Variants in MTUS1 observed in about 807,000 individuals in gnomAD.
The protein encoded by MTUS1 is microtubule-associated tumor suppressor 1.
MTUS1 carries 109 observed loss-of-function variants against 120.8 expected under a neutral mutation model. The ratio of observed to expected loss-of-function variants is 0.90; its 90% CI spans 0.77 to 1.06. MTUS1 has a LOEUF of 1.06. MTUS1 is among the 50% of genes least tolerant of loss of function. The probability of loss-of-function intolerance (pLI) is 0.00; values close to 1 mark genes in which losing one functional copy is unlikely to be tolerated. For missense variants in MTUS1, 2,210 were observed against 1,486.3 expected, an observed-to-expected ratio of 1.49 and a Z score of -8.01; for synonymous variants, 737 against 550.5, an observed-to-expected ratio of 1.34 and a Z score of -4.74.
intron 6 of MTUS1, among the ~76,000 whole-genome samples, chr8:17,704,726 A>T (rs187097306): frequency 1.3e-5 from 2 of 152,172 alleles, no homozygotes; most frequent in East Asian, 3.9e-4. Flanking sequence ...TTCTTTGTCA[A>T]GATTGTTTTG....
chr8:17,796,574 A>G (rs2052262411), intron 1 of MTUS1, among the ~76,000 whole-genome samples: 1 of 152,160 alleles, frequency 6.6e-6, no homozygotes, highest in South Asian at 2.1e-4. Flanking sequence ...ATGAAAAGGA[A>G]GTTTTATCTT....
rs543643934 is a variant in MTUS1 at position 17,659,193 on chromosome 8, C to T, written c.2906-3128G>A. On this transcript the variant is annotated intron_variant, in intron 8 of 14. Coordinates refer to ENST00000693296, the MANE Select transcript of MTUS1 (RefSeq NM_001363059.2). ...TCTGCCTGCACCCAAAGCCCGTGCC[C>T]CTTCTTTTCTACCAAGCTGTTTCTT... Among the ~76,000 whole-genome samples, 207 of 152,144 alleles carry T rather than the reference C, an allele frequency of 1.4e-3. 1 individual carries two copies. Among genetic ancestry groups the T allele is most frequent in the Middle Eastern group, 3.4e-3 (1 of 294 alleles).
chr8:17,699,311 G>A (rs1236041275), intron 6 of MTUS1, among the ~76,000 whole-genome samples: 3 of 152,050 alleles, frequency 2.0e-5, no homozygotes, highest in Non-Finnish European at 4.4e-5. Flanking sequence ...TCTGCCTCCC[G>A]GGTTCAAGTG....
chr8:17,720,967 T>C (rs1036355659), intron 4 of MTUS1, among the ~76,000 whole-genome samples: 1 of 152,206 alleles, frequency 6.6e-6, no homozygotes, highest in African/African-American at 2.4e-5. Flanking sequence ...TTGCCTTACG[T>C]ATTTTGATTT....
intron 4 of MTUS1, chr8:17,722,121 A>T: frequency 7.9e-7 from 1 of 1,268,074 alleles, no homozygotes; most frequent in Non-Finnish European, 9.9e-7. Context: ...CATCGCCACT[A>T]GACAGGCTCT....
At chr8:17,681,484 T>A (rs1814492276) in intron 7 of MTUS1, 1 of 154,226 alleles carries the variant, frequency 6.5e-6, no homozygotes, top group African/African-American at 2.4e-5. Flanking sequence ...GCAAATTACC[T>A]AACTCTATGC....
intron 8 of MTUS1, among the ~76,000 whole-genome samples, chr8:17,669,933 G>A (rs774036702): frequency 9.2e-5 from 14 of 152,224 alleles, no homozygotes; most frequent in Non-Finnish European, 8.8e-5. Context: ...AGTTGGGGGC[G>A]CAGGCCTGGA....
intron 1 of MTUS1, among the ~76,000 whole-genome samples, chr8:17,774,971 T>TAAAAAAA (rs76567642): frequency 1.4e-4 from 14 of 96,866 alleles, no homozygotes; most frequent in Admixed American, 2.5e-4. Context: ...ATATTATAAG[T>TAAAAAAA]AAAAAAAAAA....
chr8:17,766,604 G>A (rs796345260), intron 1 of MTUS1, among the ~76,000 whole-genome samples: 12 of 152,346 alleles, frequency 7.9e-5, no homozygotes, highest in African/African-American at 2.9e-4. Context: ...TGGCTTATAT[G>A]AAATTTGTAG....
intron 8 of MTUS1, among the ~76,000 whole-genome samples, chr8:17,674,000 G>C (rs1461266551): frequency 6.6e-6 from 1 of 152,138 alleles, no homozygotes; most frequent in African/African-American, 2.4e-5. Flanking sequence ...AAACTGCAAA[G>C]GGCAAGGAAA....
intron 1 of MTUS1, among the ~76,000 whole-genome samples, chr8:17,784,295 G>T (rs78516457): frequency 9.9e-4 from 124 of 125,384 alleles, no homozygotes; most frequent in African/African-American, 3.0e-3. Context: ...TCTTACAACT[G>T]TTTTTTTTTT....
chr8:17,794,714 G>C (rs939320487), intron 1 of MTUS1, among the ~76,000 whole-genome samples: 33 of 152,172 alleles, frequency 2.2e-4, no homozygotes, highest in African/African-American at 7.7e-4. Context: ...CAGTATAGCA[G>C]TTTACAGTAT....
chr8:17,682,517 C>CAAAAAA (rs55901871), intron 7 of MTUS1, among the ~76,000 whole-genome samples: 3 of 114,964 alleles, frequency 2.6e-5, no homozygotes, highest in African/African-American at 3.7e-5. Context: ...GACTCCATCC[C>CAAAAAA]AAAAAAAAAA....
At chr8:17,711,498 A>G (rs780781244) in intron 6 of MTUS1, among the ~76,000 whole-genome samples, 23 of 152,080 alleles carry the variant, frequency 1.5e-4, no homozygotes, top group Non-Finnish European at 2.8e-4. Flanking sequence ...CCTTCATACA[A>G]TTAAAGAGAG....
intron 1 of MTUS1, among the ~76,000 whole-genome samples, chr8:17,774,609 G>A (rs1417949023): frequency 1.3e-5 from 2 of 152,170 alleles, no homozygotes; most frequent in Non-Finnish European, 2.9e-5. Context: ...TGAGGATATG[G>A]AGAAATTGGA....
In MTUS1 at chr8:17,674,629, G is replaced by C. The variant is rs1186224920; in HGVS notation, c.2905+557C>G. 1.3e-5 allele frequency: 13 copies of C among 986,524 alleles called. No individual in the cohort carries two copies. The South Asian group carries it at 1.9e-4, about 14-fold the overall frequency. The allele number at this position is 986,524 out of a possible 1,614,324, so 61.1% of individuals were successfully genotyped here. A position where few individuals can be genotyped will look rare whatever the true frequency, so the allele number is the denominator to read the frequency against. On this transcript the variant is annotated intron_variant, in intron 8 of 14. Coordinates refer to ENST00000693296, the MANE Select transcript of MTUS1 (RefSeq NM_001363059.2). ...TTGAGACATGTAAACTGCAGGGCTG[G>C]GTGGTAGGTGTTGAGACGTGGGGCT... is the stretch of plus-strand genomic sequence containing the variant.
chr8:17,742,284 TGTTG>T lies in MTUS1; in HGVS notation c.2287+1316_2287+1319del, dbSNP rs1563302329. On this transcript the variant is annotated intron_variant, in intron 3 of 14. Transcript: ENST00000693296. ...ATGCCCAGCTGTTTTTTTTTTTTGT[TGTTG>T]TTGTTTTTTTTTTTTTTTTTTTTAG... Among the ~76,000 whole-genome samples, 229 of 82,254 alleles carry T rather than the reference TGTTG, an allele frequency of 2.8e-3. 7 individuals are homozygous for T. The highest frequency in any genetic ancestry group is 7.0e-3 in the African/African-American group (115 of 16,398). The allele number at this position is 82,254 out of a possible 152,430, so 54.0% of individuals were successfully genotyped here.
At chr8:17,800,889 TC>T (rs991487409) in intron 1 of MTUS1, 171 bp downstream of exon 1, 1 of 152,810 alleles carries the variant, frequency 6.5e-6, no homozygotes, top group African/African-American at 2.4e-5. Flanking sequence ...GAGACCCGCC[TC>T]CGCTCCGCCG....
intron 5 of MTUS1, 131 bp from the exon 6 acceptor site, chr8:17,713,383 C>T (rs1478625479): frequency 1.6e-6 from 1 of 617,384 alleles, no homozygotes; most frequent in African/African-American, 1.9e-5. Context: ...TGGGAAATAT[C>T]ACCGAGATTC....
Sources: gnomAD v4.1 joint callset for allele counts (sites outside exome capture counted in the v4.1 genomes callset) on GRCh38, gnomAD v4.1.1 for gene constraint, MANE v1.5 for transcripts, NCBI Gene and HGNC (gene_info 2026-07-23, HGNC 2026-07-21) for gene names.